C2CD2: variants seen among roughly 807,000 people sequenced by gnomAD.
The protein encoded by C2CD2 is C2 calcium dependent domain containing 2.
Under a neutral mutation model 74.3 loss-of-function variants are expected in C2CD2, and 43 were observed. The observed-to-expected ratio is 0.58, with a 90% CI of 0.45 to 0.75. The LOEUF (loss-of-function observed/expected upper bound fraction) is 0.75. Among genes scored for constraint, C2CD2 ranks in the 30% least tolerant of loss-of-function variants. The pLI is 0.00. For synonymous variants in C2CD2, 422 were observed against 390.7 expected, an observed-to-expected ratio of 1.08 and a Z score of -0.94; for missense variants, 801 against 916.3, an observed-to-expected ratio of 0.87 and a Z score of 1.63.
intron 11 of C2CD2, among the ~76,000 whole-genome samples, chr21:41,904,883 C>G (rs1241189819): frequency 6.6e-6 from 1 of 152,058 alleles, no homozygotes; most frequent in Non-Finnish European, 1.5e-5. Flanking sequence ...AAGTTAATCC[C>G]CAAATTTAGA....
Position 41,909,500 on chromosome 21 carries a change from T to C in C2CD2, c.977A>G (p.Glu326Gly). 6.2e-7 allele frequency: 1 copy of C among 1,613,566 alleles called. No individual in the cohort carries two copies. The highest frequency in any genetic ancestry group is 8.5e-7 in the Non-Finnish European group (1 of 1,179,490). The change falls in exon 8 of 14, where the codon GAG becomes GGG. Residue 326 changes from glutamate (E) to glycine (G), a missense_variant. Transcript: ENST00000380486. ...FTFELNAKSK[E>G]LHLQISEAGR... The stretch of plus-strand genomic sequence containing the variant: ...AGCCTCTGAAATCTGCAGGTGTAAC[T>C]CCTTCGACTTGGCATTCAACTCGCT...
chr21:41,923,909 A>T lies in C2CD2; in HGVS notation c.379-1824T>A, dbSNP rs370061387. 1.4e-4 allele frequency among the ~76,000 whole-genome samples: 22 copies of T among 152,010 alleles called. No homozygotes were observed. Among genetic ancestry groups the T allele is most frequent in the African/African-American group, 5.3e-4 (22 of 41,448 alleles). On this transcript the variant is annotated intron_variant, in intron 2 of 13. Coordinates refer to ENST00000380486, the MANE Select transcript of C2CD2 (RefSeq NM_015500.2). This position sits in a 1 kb window ranked among gnomAD's most constrained non-coding sequence, Gnocchi z 5.8. The stretch of plus-strand genomic sequence containing the variant: ...GGTGTGTACTGGCCAGGAGGAGGAG[A>T]GGGGAGGCCAGGGGCACAGTGGGCT...
chr21:41,930,240 G>C (rs1371605619), intron 2 of C2CD2, among the ~76,000 whole-genome samples: 1 of 150,148 alleles, frequency 6.7e-6, no homozygotes, highest in Non-Finnish European at 1.5e-5. Context: ...TGAGCACATG[G>C]TTAGGTAAGC....
intron 1 of C2CD2, among the ~76,000 whole-genome samples, chr21:41,948,351 CG>C (rs1569084895): frequency 6.6e-6 from 1 of 151,882 alleles, no homozygotes; most frequent in Non-Finnish European, 1.5e-5. Flanking sequence ...CTCACAATGC[CG>C]GGAGCTGACC....
chr21:41,894,612 C>T (rs1208661312), intron 13 of C2CD2: 1 of 455,062 alleles, frequency 2.2e-6, no homozygotes, highest in Admixed American at 2.3e-5. Flanking sequence ...GGAGCAAAGC[C>T]CCCTAATCCT....
In C2CD2 at chr21:41,901,673, T is replaced by C. The variant is rs1310658948; in HGVS notation, c.1509A>G (p.Lys503=). The change falls in exon 12 of 14, where the codon AAA becomes AAG. Residue 503 remains lysine (K), a synonymous_variant. Coordinates refer to ENST00000380486, the MANE Select transcript of C2CD2 (RefSeq NM_015500.2). The part of the protein sequence containing the change: ...IRQLSESSKL[K]LKSPRKKSTI... ...TGCTTTTCTTCCGTGGCGACTTGAG[T>C]TTCAGCTTTGAAGATTCACTGAGCT... 3 of 1,614,070 alleles carry C rather than the reference T, an allele frequency of 1.9e-6. No homozygotes were observed. The Admixed American group carries it at 5.0e-5, about 27-fold the overall frequency.
Position 41,886,376 on chromosome 21 carries a change from C to T in C2CD2, c.*2748G>A, listed in dbSNP as rs750577247. 1.2e-4 allele frequency: 18 copies of T among 152,222 alleles called. No individual in the cohort carries two copies. The highest frequency in any genetic ancestry group is 1.5e-5 in the Non-Finnish European group (1 of 68,040). The allele number at this position is 152,222 out of a possible 1,614,324, so 9.4% of individuals were successfully genotyped here. On this transcript the variant is annotated 3_prime_UTR_variant, in exon 14 of 14. Coordinates refer to ENST00000380486, the MANE Select transcript of C2CD2 (RefSeq NM_015500.2). The stretch of plus-strand genomic sequence containing the variant: ...CACAACATTTACTTTGTCATAAATA[C>T]CCTACACCATGAAAAAACAAACCTG...
rs1051757798 is a variant in C2CD2, at chr21:41,899,485, C to G, written c.1561-123G>C. Reference sequence around the variant, plus strand: ...ATTTCAAAGTCTCAGAAGATGCAGCCGTGGGCCTCATAGAAGGCGCTTATA... The same window carrying G: ...ATTTCAAAGTCTCAGAAGATGCAGCGGTGGGCCTCATAGAAGGCGCTTATA... On this transcript the variant is annotated intron_variant, in intron 12 of 13. Coordinates refer to ENST00000380486, the MANE Select transcript of C2CD2 (RefSeq NM_015500.2). This position sits in a 1 kb window ranked among gnomAD's most constrained non-coding sequence, Gnocchi z 4.4. 1 of 959,538 alleles carries G rather than the reference C, an allele frequency of 1.0e-6. No homozygotes were observed. The highest frequency in any genetic ancestry group is 1.5e-6 in the Non-Finnish European group (1 of 650,684). The allele number at this position is 959,538 out of a possible 1,614,324, so 59.4% of individuals were successfully genotyped here. A position where few individuals can be genotyped will look rare whatever the true frequency, so the allele number is the denominator to read the frequency against.
Position 41,926,649 on chromosome 21 carries a change from A to G in C2CD2, c.379-4564T>C. The G allele has an allele frequency of 2.7e-5, 27 of 984,672 alleles. No homozygotes were observed. The highest frequency in any genetic ancestry group is 3.3e-5 in the Non-Finnish European group (27 of 829,302). 61.0% of individuals were successfully genotyped at this position (984,672 alleles called of 1,614,324 possible). On this transcript the variant is annotated intron_variant, in intron 2 of 13. Transcript: ENST00000380486. The surrounding 1 kb of genome is among the most constrained non-coding windows in gnomAD (Gnocchi z 8.0). ...AAAAAATTCCAGGCACAGTTACTCC[A>G]GATTTTGCTACTGTTCACCAACAAG...
In C2CD2 at chr21:41,895,427, G is replaced by T. The variant is rs1393930301; in HGVS notation, c.1870+3626C>A. On this transcript the variant is annotated intron_variant, in intron 13 of 13. Coordinates refer to ENST00000380486, the MANE Select transcript of C2CD2 (RefSeq NM_015500.2). This position sits in a 1 kb window ranked among gnomAD's most constrained non-coding sequence, Gnocchi z 5.0. ...CACACTACGGTCAACAATAGCCGGGGCCATGTTGATTGCATGAAGCCTGAC... is the reference window on the plus strand; with the variant it reads ...CACACTACGGTCAACAATAGCCGGGTCCATGTTGATTGCATGAAGCCTGAC... Among the ~76,000 whole-genome samples, 1 of 152,150 alleles carries T rather than the reference G, an allele frequency of 6.6e-6. No individual in the cohort carries two copies. The highest frequency in any genetic ancestry group is 1.5e-5 in the Non-Finnish European group (1 of 68,026).
chr21:41,905,310 C>CTTTT (rs137969894), intron 11 of C2CD2, among the ~76,000 whole-genome samples: 1 of 125,350 alleles, frequency 8.0e-6, no homozygotes, highest in Non-Finnish European at 1.7e-5. Flanking sequence ...CAAATCAAAA[C>CTTTT]TTTTTTTTTT....
Position 41,912,374 on chromosome 21 carries a change from G to A in C2CD2, c.911C>T (p.Thr304Met), listed in dbSNP as rs376696638. 89 of 1,612,428 alleles carry A rather than the reference G, an allele frequency of 5.5e-5. 1 individual carries two copies. The highest frequency in any genetic ancestry group is 3.1e-4 in the African/African-American group (23 of 74,860). Reference sequence around the variant, plus strand: ...CCACATGAGGTCCGGAGTGTTTTTCGTCAGGGTGCTGGAGAACCTCTGAAC... The same window carrying A: ...CCACATGAGGTCCGGAGTGTTTTTCATCAGGGTGCTGGAGAACCTCTGAAC... ...DPVQRFSSTL[T>M]KNTPDLMWEE... The change falls in exon 7 of 14, where the codon ACG (threonine) becomes ATG (methionine). Residue 304 changes from threonine to methionine, a missense_variant. Coordinates refer to ENST00000380486, the MANE Select transcript of C2CD2 (RefSeq NM_015500.2).
chr21:41,917,206 A>G (rs1433037703), intron 5 of C2CD2, among the ~76,000 whole-genome samples: 1 of 152,190 alleles, frequency 6.6e-6, no homozygotes, highest in African/African-American at 2.4e-5. Context: ...ACTGCCATCA[A>G]CTGATATCTG....
In C2CD2 at chr21:41,886,510, C is replaced by T. The variant is rs2064685754; in HGVS notation, c.*2614G>A. ...TGCCTTTGCCTTTGCTTCATAAACTCCCTCCCATGTTGGTGTTTTCTGTAA... is the reference window on the plus strand; with the variant it reads ...TGCCTTTGCCTTTGCTTCATAAACTTCCTCCCATGTTGGTGTTTTCTGTAA... On this transcript the variant is annotated 3_prime_UTR_variant, in exon 14 of 14. Coordinates refer to ENST00000380486, the MANE Select transcript of C2CD2 (RefSeq NM_015500.2). 6.6e-6 allele frequency: 1 copy of T among 152,188 alleles called. No homozygotes were observed. The highest frequency in any genetic ancestry group is 1.5e-5 in the Non-Finnish European group (1 of 68,044). 9.4% of individuals were successfully genotyped at this position (152,188 alleles called of 1,614,324 possible).
At chr21:41,946,208 C>T (rs769619958) in intron 1 of C2CD2, among the ~76,000 whole-genome samples, 2 of 152,224 alleles carry the variant, frequency 1.3e-5, no homozygotes, top group African/African-American at 4.8e-5. Context: ...TAAGGAGCAA[C>T]GGGCTCTGTA....
chr21:41,901,300 G>A (rs774242405), intron 12 of C2CD2: 1 of 396,394 alleles, frequency 2.5e-6, no homozygotes, highest in Non-Finnish European at 4.7e-6. Flanking sequence ...GTGGTGACGA[G>A]AGCAGAGGTT....
At chr21:41,933,300 G>C (rs1456946366) in intron 2 of C2CD2, among the ~76,000 whole-genome samples, 1 of 134,424 alleles carries the variant, frequency 7.4e-6, no homozygotes, top group Non-Finnish European at 1.8e-5. Context: ...CCAGCTGAGG[G>C]AACACGAGGC....
chr21:41,945,449 G>A lies in C2CD2; in HGVS notation c.280-3204C>T, dbSNP rs1484610336. On this transcript the variant is annotated intron_variant, in intron 1 of 13. Coordinates refer to ENST00000380486, the MANE Select transcript of C2CD2 (RefSeq NM_015500.2). The surrounding 1 kb of genome is among the most constrained non-coding windows in gnomAD (Gnocchi z 4.2). ...TGCTTGAAGAAGTGGCTGAATCCAG[G>A]GCCTGTGGGGAGCCAAAAACAAATA... Among the ~76,000 whole-genome samples, 1 of 151,998 alleles carries A rather than the reference G, an allele frequency of 6.6e-6. No individual in the cohort carries two copies. The highest frequency in any genetic ancestry group is 1.5e-5 in the Non-Finnish European group (1 of 68,024).
intron 5 of C2CD2, among the ~76,000 whole-genome samples, chr21:41,917,119 C>T (rs1428631735): frequency 1.3e-5 from 2 of 152,218 alleles, no homozygotes; most frequent in African/African-American, 2.4e-5. Flanking sequence ...GCCCCTTCTG[C>T]ATACTGCAGG....
Sources: allele counts gnomAD v4.1 joint callset (sites outside exome capture counted in the v4.1 genomes callset), GRCh38; gene constraint gnomAD v4.1.1; non-coding constraint Gnocchi (gnomAD v3.1); transcripts MANE v1.5; gene names NCBI Gene and HGNC (gene_info 2026-07-23, HGNC 2026-07-21).